Variants in CACNB2 observed in about 807,000 individuals in gnomAD.
CACNB2 encodes voltage-dependent L-type calcium channel subunit beta-2.
CACNB2 carries 42 observed loss-of-function variants against 73.3 expected under a neutral mutation model. That is an observed-to-expected ratio of 0.57 (90% confidence interval 0.45 to 0.74). The LOEUF is 0.74. Ranked by LOEUF, CACNB2 falls within the 30% of genes least tolerant of loss-of-function variation. CACNB2 has a pLI of 0.00. For missense variants in CACNB2, 940 were observed against 853.0 expected, an observed-to-expected ratio of 1.10 and a Z score of -1.27; for synonymous variants, 348 against 310.3, an observed-to-expected ratio of 1.12 and a Z score of -1.28.
intron 9 of CACNB2, among the ~76,000 whole-genome samples, chr10:18,526,889 T>C (rs1485862504): frequency 6.6e-6 from 1 of 152,112 alleles, no homozygotes; most frequent in African/African-American, 2.4e-5. Context: ...GGAGTCTGGG[T>C]TCAAATCCCA....
rs535157979 is a variant in CACNB2 at position 18,323,322 on chromosome 10, T to G, written c.214-78602T>G. On this transcript the variant is annotated intron_variant, in intron 2 of 13. Transcript: ENST00000324631. Reference sequence around the variant, plus strand: ...ACATCCCTAAGCAAAGTGGAGTGATTTTGCCTATTTTTGTATTTTGTATGT... The same window carrying G: ...ACATCCCTAAGCAAAGTGGAGTGATGTTGCCTATTTTTGTATTTTGTATGT... 2.1e-4 allele frequency among the ~76,000 whole-genome samples: 32 copies of G among 152,242 alleles called. 1 individual carries two copies. Among genetic ancestry groups the G allele is most frequent in the African/African-American group, 7.7e-4 (32 of 41,556 alleles).
intron 2 of CACNB2, among the ~76,000 whole-genome samples, chr10:18,225,255 G>C (rs1433902378): frequency 6.6e-6 from 1 of 152,070 alleles, no homozygotes; most frequent in African/African-American, 2.4e-5. Context: ...GGGGATGGGG[G>C]AGGGTAAAGC....
intron 3 of CACNB2, among the ~76,000 whole-genome samples, chr10:18,458,987 A>G (rs1352427687): frequency 2.0e-5 from 3 of 150,384 alleles, no homozygotes; most frequent in African/African-American, 7.3e-5. Flanking sequence ...CTGGTCTTGA[A>G]CTCCTCACCT....
intron 2 of CACNB2, among the ~76,000 whole-genome samples, chr10:18,391,925 CAAAAA>C (rs34698093): frequency 7.1e-5 from 6 of 84,602 alleles, no homozygotes; most frequent in Non-Finnish European, 6.4e-5. Flanking sequence ...AAGACCCTGT[CAAAAA>C]AAAAAAAAAA....
At chr10:18,445,035 C>A (rs1056411870) in intron 3 of CACNB2, among the ~76,000 whole-genome samples, 1 of 152,174 alleles carries the variant, frequency 6.6e-6, no homozygotes, top group African/African-American at 2.4e-5. Context: ...GTTTGTTGCT[C>A]ATTTATTACA....
chr10:18,455,927 C>A (rs901228349), intron 3 of CACNB2, among the ~76,000 whole-genome samples: 2 of 152,180 alleles, frequency 1.3e-5, no homozygotes, highest in Non-Finnish European at 2.9e-5. Flanking sequence ...AGGATGCTCA[C>A]TGAGGGTGAC....
intron 2 of CACNB2, among the ~76,000 whole-genome samples, chr10:18,174,019 A>G (rs1421427015): frequency 1.3e-5 from 2 of 152,208 alleles, no homozygotes; most frequent in Admixed American, 6.5e-5. Context: ...AGTGAAAAAG[A>G]GGATTCATTC....
chr10:18,297,051 T>C (rs990568971), intron 2 of CACNB2, among the ~76,000 whole-genome samples: 2 of 152,248 alleles, frequency 1.3e-5, no homozygotes, highest in Non-Finnish European at 2.9e-5. Context: ...AATCGTTTCC[T>C]CCTTTTGTCT....
At chr10:18,301,909 G>C (rs1360714092) in intron 2 of CACNB2, among the ~76,000 whole-genome samples, 1 of 151,892 alleles carries the variant, frequency 6.6e-6, no homozygotes, top group African/African-American at 2.4e-5. Context: ...GGCCCCCCAG[G>C]GTGCTGGGAT....
At chr10:18,213,310 C>T (rs979430218) in intron 2 of CACNB2, among the ~76,000 whole-genome samples, 8 of 152,104 alleles carry the variant, frequency 5.3e-5, no homozygotes, top group East Asian at 1.9e-4. Flanking sequence ...AAGCTCAGGA[C>T]GTGGAACCGG....
Position 18,534,214 on chromosome 10 carries a change from T to C in CACNB2, c.1193T>C (p.Ile398Thr). The C allele has an allele frequency of 1.2e-6, 2 of 1,613,250 alleles. No individual in the cohort carries two copies. Among genetic ancestry groups the C allele is most frequent in the South Asian group, 2.2e-5 (2 of 91,060 alleles). ...SLAPIIVYVK[I>T]SSPKVLQRLI... ...GCCCCTATTATAGTATATGTAAAGA[T>C]TTCTTCTCCTAAGGTAAGTAGGACT... is the stretch of plus-strand genomic sequence containing the variant. Residue 398 changes from isoleucine to threonine, a missense_variant, in exon 11 of 14, where the codon ATT becomes ACT. Coordinates refer to ENST00000324631, the MANE Select transcript of CACNB2 (RefSeq NM_201596.3).
rs1200904502 is a variant in CACNB2, at chr10:18,539,825, T to G, written c.*101T>G. 5.2e-6 allele frequency: 6 copies of G among 1,162,626 alleles called. No homozygotes were observed. Among genetic ancestry groups the G allele is most frequent in the Admixed American group, 2.2e-5 (1 of 45,914 alleles). 72.0% of individuals were successfully genotyped at this position (1,162,626 alleles called of 1,614,324 possible). On this transcript the variant is annotated 3_prime_UTR_variant, in exon 14 of 14. Transcript: ENST00000324631. ...TTGGGGTCTACACTGCAATCATATGTGATCTGTCTTGTAATATTTTGTATT... is the reference window on the plus strand; with the variant it reads ...TTGGGGTCTACACTGCAATCATATGGGATCTGTCTTGTAATATTTTGTATT...
intron 4 of CACNB2, among the ~76,000 whole-genome samples, chr10:18,499,461 A>C (rs10828786): frequency 6.6e-6 from 1 of 151,632 alleles, no homozygotes; most frequent in Non-Finnish European, 1.5e-5. Flanking sequence ...CTAAAAATAC[A>C]AAAATTATCT....
intron 2 of CACNB2, among the ~76,000 whole-genome samples, chr10:18,290,707 G>T (rs145458402): frequency 6.6e-6 from 1 of 152,326 alleles, no homozygotes; most frequent in Non-Finnish European, 1.5e-5. Context: ...CTTCCAGAAT[G>T]CTTCACTCCG....
At chr10:18,396,503 G>A (rs1271698909) in intron 2 of CACNB2, among the ~76,000 whole-genome samples, 3 of 151,958 alleles carry the variant, frequency 2.0e-5, no homozygotes, top group South Asian at 2.1e-4. Flanking sequence ...ACGGAGTCTC[G>A]CTCTGTTGCC....
Position 18,517,723 on chromosome 10 carries a change from T to C in CACNB2, c.805-613T>C, listed in dbSNP as rs116646952. On this transcript the variant is annotated intron_variant, in intron 7 of 13. Coordinates refer to ENST00000324631, the MANE Select transcript of CACNB2 (RefSeq NM_201596.3). Reference sequence around the variant, plus strand: ...CTAAGCTGTGAGCAGGGATCATGATTACTGTTTACTAAAATAAGCATGCAT... The same window carrying C: ...CTAAGCTGTGAGCAGGGATCATGATCACTGTTTACTAAAATAAGCATGCAT... Among the ~76,000 whole-genome samples the C allele has an allele frequency of 5.9e-3, 904 of 152,318 alleles. 9 individuals carry two copies. Among genetic ancestry groups the C allele is most frequent in the African/African-American group, 0.018 (748 of 41,580 alleles).
At chr10:18,251,031 G>C (rs2037066814) in intron 2 of CACNB2, among the ~76,000 whole-genome samples, 1 of 152,224 alleles carries the variant, frequency 6.6e-6, no homozygotes, top group African/African-American at 2.4e-5. Context: ...ATATGCATCT[G>C]TGTTGAGTAG....
At chr10:18,414,463 A>G (rs1023915085) in intron 3 of CACNB2, among the ~76,000 whole-genome samples, 4 of 150,816 alleles carry the variant, frequency 2.7e-5, no homozygotes, top group African/African-American at 4.9e-5. Flanking sequence ...TGATGGTTCC[A>G]GAATCCTTGT....
At chr10:18,152,709 CAAAAA>C (rs772732675) in intron 2 of CACNB2, among the ~76,000 whole-genome samples, 2 of 49,352 alleles carry the variant, frequency 4.1e-5, no homozygotes, top group African/African-American at 1.5e-4. Context: ...TGAAACAGAC[CAAAAA>C]AAAAAAAAAA....
Sources: allele counts gnomAD v4.1 joint callset (sites outside exome capture counted in the v4.1 genomes callset), GRCh38; gene constraint gnomAD v4.1.1; transcripts MANE v1.5; gene names NCBI Gene and HGNC (gene_info 2026-07-23, HGNC 2026-07-21).